The following NACC2 variants were observed in gnomAD, a reference collection of about 807,000 sequenced individuals.
NACC2 encodes the protein nucleus accumbens-associated protein 2.
Under a neutral mutation model 25.1 loss-of-function variants are expected in NACC2, and 8 were observed. The ratio of observed to expected loss-of-function variants is 0.32; its 90% CI spans 0.19 to 0.57. NACC2 has a LOEUF of 0.57. NACC2 is among the 20% of genes least tolerant of loss of function. The pLI is 0.89. For missense variants in NACC2, 644 were observed against 650.2 expected, an observed-to-expected ratio of 0.99 and a Z score of 0.10; for synonymous variants, 435 against 294.7, an observed-to-expected ratio of 1.48 and a Z score of -4.88.
chr9:136,023,075 G>A (rs1588559969), intron 2 of NACC2, among the ~76,000 whole-genome samples: 6 of 39,812 alleles, frequency 1.5e-4, no homozygotes, highest in Non-Finnish European at 2.4e-4. Flanking sequence ...GAAGAGGGAG[G>A]GAGGAGGGAG....
intron 1 of NACC2, among the ~76,000 whole-genome samples, chr9:136,073,813 G>A (rs1175833149): frequency 6.6e-6 from 1 of 152,172 alleles, no homozygotes; most frequent in Non-Finnish European, 1.5e-5. Context: ...GCCAAGTACT[G>A]CATTTGCGTC....
chr9:136,089,821 T>G (rs1198643394), intron 1 of NACC2, among the ~76,000 whole-genome samples: 1 of 151,446 alleles, frequency 6.6e-6, no homozygotes, highest in Non-Finnish European at 1.5e-5. Context: ...AGCACAAATC[T>G]CTCAGCAGGG....
chr9:136,041,001 A>AGAAAGGAAGGAAGGAAAGGAAGGAAG (rs60185301), intron 2 of NACC2, among the ~76,000 whole-genome samples: 12 of 139,304 alleles, frequency 8.6e-5, no homozygotes, highest in South Asian at 2.4e-4. Context: ...AAGGAAGGAA[A>AGAAAGGAAGGAAGGAAAGGAAGGAAG]GAAAGGAAGG....
At chr9:136,075,471 C>G (rs1034622419) in intron 1 of NACC2, among the ~76,000 whole-genome samples, 2 of 152,272 alleles carry the variant, frequency 1.3e-5, no homozygotes, top group African/African-American at 4.8e-5. Flanking sequence ...TCGGCAGCGG[C>G]TCCGTGTGAA....
chr9:136,078,954 G>A (rs55737177), intron 1 of NACC2, among the ~76,000 whole-genome samples: 17,980 of 152,236 alleles, frequency 0.12, 1,369 homozygotes, highest in South Asian at 0.18. Context: ...TAGCACCGTC[G>A]CCGGCATGAT....
intron 1 of NACC2, among the ~76,000 whole-genome samples, chr9:136,093,722 G>A (rs190069681): frequency 8.5e-5 from 13 of 152,246 alleles, no homozygotes; most frequent in African/African-American, 2.2e-4. Flanking sequence ...AACGCCAAGA[G>A]GCCTCTTTAA....
At chr9:136,075,204 C>T (rs1830248304) in intron 1 of NACC2, among the ~76,000 whole-genome samples, 1 of 152,250 alleles carries the variant, frequency 6.6e-6, no homozygotes, top group Non-Finnish European at 1.5e-5. Flanking sequence ...CAGACTTGGC[C>T]TCAGACAGCT....
chr9:136,022,299 G>A lies in NACC2; in HGVS notation c.887-5870C>T, dbSNP rs538852200. 5.9e-5 allele frequency among the ~76,000 whole-genome samples: 9 copies of A among 152,310 alleles called. No homozygotes were observed. The East Asian group carries it at 1.7e-3, about 29-fold the overall frequency. ...GTGCCCCACATGCAGTGGGCCTCGG[G>A]GAGATGACCACACTCTCCACATGGG... On this transcript the variant is annotated intron_variant, in intron 2 of 5. Transcript: ENST00000277554. The surrounding 1 kb of genome is among the most constrained non-coding windows in gnomAD (Gnocchi z 4.4).
At chr9:136,060,324 C>T (rs1810432363) in intron 1 of NACC2, among the ~76,000 whole-genome samples, 4 of 152,192 alleles carry the variant, frequency 2.6e-5, no homozygotes, top group Admixed American at 6.5e-5. Flanking sequence ...TTTGGGATCA[C>T]GGGGAGGCCC....
At chr9:136,047,218 C>T (rs944646998) in intron 2 of NACC2, among the ~76,000 whole-genome samples, 6 of 152,172 alleles carry the variant, frequency 3.9e-5, no homozygotes, top group African/African-American at 7.2e-5. Context: ...GCCCGGGACA[C>T]GGAGGGCACG....
At chr9:136,070,464 G>A (rs763661420) in intron 1 of NACC2, among the ~76,000 whole-genome samples, 1 of 151,722 alleles carries the variant, frequency 6.6e-6, no homozygotes, top group South Asian at 2.1e-4. Context: ...CCGAGATCGC[G>A]CCACTGCACT....
At position 136,013,421 on chromosome 9, in the gene NACC2, T is replaced by A; in HGVS notation, c.1158-125A>T. 1.3e-6 allele frequency: 1 copy of A among 798,948 alleles called. No individual in the cohort carries two copies. Among genetic ancestry groups the A allele is most frequent in the Non-Finnish European group, 2.0e-6 (1 of 498,756 alleles). The allele number at this position is 798,948 out of a possible 1,614,324, so 49.5% of individuals were successfully genotyped here. On this transcript the variant is annotated intron_variant, in intron 4 of 5. Transcript: ENST00000277554. This position sits in a 1 kb window ranked among gnomAD's most constrained non-coding sequence, Gnocchi z 6.6. Reference sequence around the variant, plus strand: ...CTCACCCTTGGCTGGTCTGCGTGTGTCCCAGTGGCAGGAGCCGGCCCAGCC... The same window carrying A: ...CTCACCCTTGGCTGGTCTGCGTGTGACCCAGTGGCAGGAGCCGGCCCAGCC...
intron 1 of NACC2, among the ~76,000 whole-genome samples, chr9:136,071,980 G>A (rs919064374): frequency 6.6e-6 from 1 of 152,154 alleles, no homozygotes; most frequent in Non-Finnish European, 1.5e-5. Context: ...GCTCGAGTCC[G>A]TAATCCCAGC....
intron 2 of NACC2, among the ~76,000 whole-genome samples, chr9:136,047,590 A>G (rs1840750089): frequency 6.6e-6 from 1 of 152,186 alleles, no homozygotes; most frequent in African/African-American, 2.4e-5. Context: ...CTGCAGGAAC[A>G]TGGCCTTGAG....
intron 1 of NACC2, among the ~76,000 whole-genome samples, chr9:136,057,148 G>A (rs534908413): frequency 1.3e-5 from 2 of 152,344 alleles, no homozygotes; most frequent in South Asian, 2.1e-4. Context: ...TGGCTCTGCC[G>A]GGGGTCTGGT....
intron 2 of NACC2, among the ~76,000 whole-genome samples, chr9:136,032,804 G>T (rs1321939958): frequency 1.3e-5 from 2 of 151,982 alleles, no homozygotes; most frequent in Non-Finnish European, 2.9e-5. Flanking sequence ...GGCTGAGGTG[G>T]GTGGATCACG....
At chr9:136,090,086 A>C (rs992295018) in intron 1 of NACC2, among the ~76,000 whole-genome samples, 5 of 152,224 alleles carry the variant, frequency 3.3e-5, no homozygotes, top group African/African-American at 1.2e-4. Context: ...AATGAGCAAA[A>C]CTCTGTTAAA....
In NACC2 at chr9:136,022,357, G is replaced by A. The variant is rs1252057056; in HGVS notation, c.887-5928C>T. Among the ~76,000 whole-genome samples the A allele has an allele frequency of 1.3e-5, 2 of 152,180 alleles. No individual in the cohort carries two copies. Among genetic ancestry groups the A allele is most frequent in the Non-Finnish European group, 2.9e-5 (2 of 68,026 alleles). ...CCCACCCCCGAAAGCACACAGGTGT[G>A]GACTCAACACCCTCCTGCCCGATGC... On this transcript the variant is annotated intron_variant, in intron 2 of 5. Coordinates refer to ENST00000277554, the MANE Select transcript of NACC2 (RefSeq NM_144653.5). This position sits in a 1 kb window ranked among gnomAD's most constrained non-coding sequence, Gnocchi z 4.4.
intron 1 of NACC2, among the ~76,000 whole-genome samples, chr9:136,054,792 A>G (rs1319058892): frequency 6.6e-6 from 1 of 152,160 alleles, no homozygotes; most frequent in African/African-American, 2.4e-5. Flanking sequence ...AAAGTTCTGC[A>G]GAGCCAGGCA....
Sources: allele counts gnomAD v4.1 joint callset (sites outside exome capture counted in the v4.1 genomes callset), GRCh38; gene constraint gnomAD v4.1.1; non-coding constraint Gnocchi (gnomAD v3.1); transcripts MANE v1.5; gene names NCBI Gene and HGNC (gene_info 2026-07-23, HGNC 2026-07-21).